The following DOCK10 variants were observed in gnomAD, a reference collection of about 807,000 sequenced individuals.
DOCK10 encodes dedicator of cytokinesis 10.
Under a neutral mutation model 280.1 loss-of-function variants are expected in DOCK10, and 145 were observed. That is an observed-to-expected ratio of 0.52 (90% CI 0.45 to 0.59). DOCK10 has a LOEUF of 0.59. Ranked by LOEUF, DOCK10 falls within the 20% of genes least tolerant of loss-of-function variation. The pLI is 0.00. For synonymous variants in DOCK10, 915 were observed against 942.2 expected (o/e 0.97, Z 0.53); for missense variants, 2,368 against 2,651.7 (o/e 0.89, Z 2.35).
intron 55 of DOCK10, among the ~76,000 whole-genome samples, chr2:224,769,789 A>G (rs556313460): frequency 6.6e-6 from 1 of 152,252 alleles, no homozygotes; most frequent in Non-Finnish European, 1.5e-5. Context: ...AGCCATGACT[A>G]GTCTTAGGGT....
At chr2:224,846,163 A>T (rs1696335874) in intron 19 of DOCK10, among the ~76,000 whole-genome samples, 1 of 152,246 alleles carries the variant, frequency 6.6e-6, no homozygotes, top group Non-Finnish European at 1.5e-5. Flanking sequence ...ATGGATGATG[A>T]TAATTTAGAA....
intron 28 of DOCK10, among the ~76,000 whole-genome samples, chr2:224,819,770 C>T (rs1694383416): frequency 6.6e-6 from 1 of 151,664 alleles, no homozygotes; most frequent in Non-Finnish European, 1.5e-5. Context: ...AGAATAGGTA[C>T]ATTTAAAAAT....
chr2:224,857,614 G>C (rs1181306963), intron 14 of DOCK10, among the ~76,000 whole-genome samples: 1 of 152,178 alleles, frequency 6.6e-6, no homozygotes, highest in East Asian at 1.9e-4. Context: ...GTTAGGCTTA[G>C]TTGAAACACA....
At chr2:224,869,842 G>A (rs570212095) in intron 11 of DOCK10, among the ~76,000 whole-genome samples, 9 of 152,280 alleles carry the variant, frequency 5.9e-5, no homozygotes, top group African/African-American at 2.2e-4. Context: ...GGAGTCATAT[G>A]CCCCTGGCAG....
chr2:225,017,705 CA>C (rs61170287), intron 1 of DOCK10, among the ~76,000 whole-genome samples: 2,318 of 126,716 alleles, frequency 0.018, 23 homozygotes, highest in Non-Finnish European at 0.025. Context: ...CCTACTGTTC[CA>C]AAAAAAAAAA....
chr2:224,834,390 G>T, intron 25 of DOCK10, 127 bp from the exon 26 acceptor site: 2 of 654,430 alleles, frequency 3.1e-6, no homozygotes. Context: ...TGAGATAAAT[G>T]CAGGCCCAAT....
intron 11 of DOCK10, among the ~76,000 whole-genome samples, chr2:224,871,683 AC>A (rs1698299207): frequency 6.6e-6 from 1 of 151,930 alleles, no homozygotes; most frequent in Non-Finnish European, 1.5e-5. Context: ...GTGCATTTGT[AC>A]TTCTCTTTCT....
rs1018624667 is a variant in DOCK10 at position 224,833,977 on chromosome 2, C to T, written c.2964+173G>A. Among the ~76,000 whole-genome samples the T allele has an allele frequency of 4.6e-5, 7 of 152,158 alleles. No homozygotes were observed. The South Asian group carries it at 1.0e-3, about 23-fold the overall frequency. The stretch of plus-strand genomic sequence containing the variant: ...CACTCTACTTTTTTCTATGTTGTCT[C>T]GATATAGATCTCTTTTGCTTAGTAT... On this transcript the variant is annotated intron_variant, in intron 26 of 55. Transcript: ENST00000258390.
chr2:224,917,099 A>ATATTTTTTTTT (rs1559754057), intron 2 of DOCK10, among the ~76,000 whole-genome samples: 2 of 60,254 alleles, frequency 3.3e-5, no homozygotes, highest in Non-Finnish European at 6.3e-5. Context: ...TTCTATTGGA[A>ATATTTTTTTTT]TCTTTTTTTT....
chr2:224,768,318 A>G (rs1426009150), intron 55 of DOCK10, among the ~76,000 whole-genome samples: 1 of 152,202 alleles, frequency 6.6e-6, no homozygotes, highest in African/African-American at 2.4e-5. Context: ...ATGTGAAGGT[A>G]TTCCTATAGA....
chr2:224,894,777 A>G (rs889307844), intron 4 of DOCK10, among the ~76,000 whole-genome samples: 2 of 152,196 alleles, frequency 1.3e-5, no homozygotes, highest in African/African-American at 4.8e-5. Flanking sequence ...CTTCACGGTA[A>G]TGAAACCCCA....
intron 1 of DOCK10, among the ~76,000 whole-genome samples, chr2:224,948,243 T>A (rs1703536348): frequency 6.6e-6 from 1 of 152,230 alleles, no homozygotes. Flanking sequence ...GGATTCTGAT[T>A]ATTCCTGTCT....
At chr2:225,028,739 G>A (rs912468069) in intron 1 of DOCK10, among the ~76,000 whole-genome samples, 1 of 152,116 alleles carries the variant, frequency 6.6e-6, no homozygotes, top group African/African-American at 2.4e-5. Context: ...AACAGCTCAG[G>A]CCCAGGGGCA....
intron 1 of DOCK10, among the ~76,000 whole-genome samples, chr2:224,987,909 G>A (rs183286996): frequency 3.3e-5 from 5 of 152,242 alleles, no homozygotes; most frequent in Middle Eastern, 3.4e-3. Context: ...AGCTCACAGC[G>A]AGCTTCAGAG....
chr2:224,991,381 T>C (rs1320527647), intron 1 of DOCK10, among the ~76,000 whole-genome samples: 1 of 152,220 alleles, frequency 6.6e-6, no homozygotes, highest in Admixed American at 6.5e-5. Flanking sequence ...AGAACCCTTC[T>C]ACATAACTGT....
intron 1 of DOCK10, among the ~76,000 whole-genome samples, chr2:224,988,678 T>C (rs1001698442): frequency 4.6e-5 from 7 of 152,218 alleles, no homozygotes; most frequent in African/African-American, 1.7e-4. Flanking sequence ...GGAAAGTCTG[T>C]GACTTTTTCT....
chr2:224,784,231 A>G (rs1486642475), intron 50 of DOCK10, among the ~76,000 whole-genome samples: 1 of 152,168 alleles, frequency 6.6e-6, no homozygotes, highest in Non-Finnish European at 1.5e-5. Context: ...GCTCACCACC[A>G]TAGACCCCCA....
intron 11 of DOCK10, 111 bp downstream of exon 11, chr2:224,873,885 A>ATTCCTC (rs1440930826): frequency 3.2e-5 from 36 of 1,129,852 alleles, no homozygotes; most frequent in Non-Finnish European, 3.4e-5. Flanking sequence ...TCCCTGGTAC[A>ATTCCTC]CTAGAGAGTG....
At chr2:224,845,473 A>C (rs758629921) in intron 20 of DOCK10, 46 bp downstream of exon 20, 1 of 1,589,116 alleles carries the variant, frequency 6.3e-7, no homozygotes, top group Non-Finnish European at 8.5e-7. Flanking sequence ...AAACCAATTC[A>C]AACAGAAGAC....
Sources: gnomAD v4.1 joint callset for allele counts (sites outside exome capture counted in the v4.1 genomes callset) on GRCh38, gnomAD v4.1.1 for gene constraint, MANE v1.5 for transcripts, NCBI Gene and HGNC (gene_info 2026-07-23, HGNC 2026-07-21) for gene names.